The following ACTR3 variants were observed in gnomAD, a reference collection of about 807,000 sequenced individuals.
The protein encoded by ACTR3 is actin related protein 3.
In ACTR3, 12 loss-of-function variants were observed where a neutral mutation model predicts 56.8. The observed-to-expected ratio is 0.21, with a 90% CI of 0.14 to 0.34. The LOEUF (loss-of-function observed/expected upper bound fraction) is 0.34, where lower values mean the gene tolerates loss of function less well. ACTR3 is among the 10% of genes least tolerant of loss of function. The pLI is 1.00. For synonymous variants in ACTR3, 162 were observed against 167.4 expected (o/e 0.97, Z 0.25); for missense variants, 282 against 512.5 (o/e 0.55, Z 4.34).
At position 113,962,553 on chromosome 2, in the gene ACTR3, G is replaced by T. The variant is rs1680341833; in HGVS notation, c.*5098G>T. On this transcript the variant is annotated 3_prime_UTR_variant, in exon 12 of 12. Transcript: ENST00000263238. The stretch of plus-strand genomic sequence containing the variant: ...GAATTATATTAGAAAGTCGATATCG[G>T]AATTGGAACCACACATCTTTTTCTT... 1 of 150,576 alleles carries T rather than the reference G, an allele frequency of 6.6e-6. No homozygotes were observed. Among genetic ancestry groups the T allele is most frequent in the South Asian group, 2.1e-4 (1 of 4,750 alleles). The allele number at this position is 150,576 out of a possible 1,614,324, so 9.3% of individuals were successfully genotyped here. A position where few individuals can be genotyped will look rare whatever the true frequency, so the allele number is the denominator to read the frequency against.
At chr2:113,949,110 G>T (rs1450709475) in intron 8 of ACTR3, among the ~76,000 whole-genome samples, 1 of 151,446 alleles carries the variant, frequency 6.6e-6, no homozygotes, top group Admixed American at 6.6e-5. Context: ...GGGCGTGGTG[G>T]CTCACACCTA....
At chr2:113,905,951 A>G (rs1359209854) in intron 1 of ACTR3, among the ~76,000 whole-genome samples, 3 of 152,214 alleles carry the variant, frequency 2.0e-5, no homozygotes, top group East Asian at 1.9e-4. Flanking sequence ...TATTGCTGCT[A>G]TGAACATGCA....
rs1680197545 is a variant in ACTR3 at position 113,955,721 on chromosome 2, G to A, written c.1161+15G>A. ...TGGCTTCCACGGTGAGTGTGATGAA[G>A]CTTACTTTTATTTTATTTTATCATT... On this transcript the variant is annotated intron_variant, in intron 11 of 11. Coordinates refer to ENST00000263238, the MANE Select transcript of ACTR3 (RefSeq NM_005721.5). 4 of 1,577,646 alleles carry A rather than the reference G, an allele frequency of 2.5e-6. No homozygotes were observed. Among genetic ancestry groups the A allele is most frequent in the Non-Finnish European group, 3.5e-6 (4 of 1,153,656 alleles).
At chr2:113,934,189 A>G (rs1679780277) in intron 5 of ACTR3, 90 bp from the exon 6 acceptor site, 2 of 808,618 alleles carry the variant, frequency 2.5e-6, no homozygotes, top group Non-Finnish European at 4.0e-6. Context: ...AAAGTACTCC[A>G]GGGAACTAGT....
At chr2:113,918,972 T>C (rs1026680693) in intron 3 of ACTR3, among the ~76,000 whole-genome samples, 1 of 152,236 alleles carries the variant, frequency 6.6e-6, no homozygotes, top group Non-Finnish European at 1.5e-5. Context: ...ACTTTTATTG[T>C]GGAAAACTTC....
intron 1 of ACTR3, among the ~76,000 whole-genome samples, chr2:113,903,455 CT>C (rs1679137468): frequency 6.6e-6 from 1 of 152,030 alleles, no homozygotes; most frequent in Non-Finnish European, 1.5e-5. Flanking sequence ...CAACCTCTGT[CT>C]CCCAGGTTCA....
At chr2:113,945,113 T>G (rs1431712364) in intron 8 of ACTR3, among the ~76,000 whole-genome samples, 1 of 152,080 alleles carries the variant, frequency 6.6e-6, no homozygotes, top group Non-Finnish European at 1.5e-5. Context: ...GGAGTGAGCA[T>G]GAGAAGGATA....
chr2:113,924,370 C>T (rs1679578185), intron 3 of ACTR3, among the ~76,000 whole-genome samples: 1 of 152,058 alleles, frequency 6.6e-6, no homozygotes, highest in African/African-American at 2.4e-5. Context: ...AGCCACCATG[C>T]CCAGCCCTTT....
At chr2:113,911,850 C>T (rs1378806770) in intron 1 of ACTR3, among the ~76,000 whole-genome samples, 1 of 152,032 alleles carries the variant, frequency 6.6e-6, no homozygotes, top group Non-Finnish European at 1.5e-5. Flanking sequence ...GATTCTCTTG[C>T]CTCAGCCTCC....
intron 4 of ACTR3, among the ~76,000 whole-genome samples, chr2:113,930,946 A>T (rs1203916172): frequency 6.6e-6 from 1 of 152,092 alleles, no homozygotes; most frequent in Non-Finnish European, 1.5e-5. Context: ...TTTTTTCTGG[A>T]GGTTTGTCAT....
At chr2:113,893,902 A>T (rs1201281101) in intron 1 of ACTR3, among the ~76,000 whole-genome samples, 1 of 152,152 alleles carries the variant, frequency 6.6e-6, no homozygotes, top group Non-Finnish European at 1.5e-5. Context: ...ATGTAAGCTT[A>T]AATATCTTGT....
At chr2:113,942,139 T>C in intron 7 of ACTR3, 47 bp from the exon 8 acceptor site, 2 of 1,459,766 alleles carry the variant, frequency 1.4e-6, no homozygotes. Context: ...TTCTTTACTG[T>C]TCCTATAATA....
chr2:113,955,523 G>T (rs867610623), intron 10 of ACTR3, 100 bp from the exon 11 acceptor site: 2 of 852,252 alleles, frequency 2.3e-6, no homozygotes, highest in South Asian at 1.7e-5. Flanking sequence ...CCTGAATTTA[G>T]TACAGATATT....
chr2:113,920,280 A>G (rs922189038), intron 3 of ACTR3, among the ~76,000 whole-genome samples: 2 of 151,662 alleles, frequency 1.3e-5, no homozygotes, highest in Admixed American at 1.3e-4. Flanking sequence ...CTCGTCTCAA[A>G]CTCCTGGGCT....
chr2:113,923,296 G>A (rs1277393343), intron 3 of ACTR3, among the ~76,000 whole-genome samples: 1 of 151,318 alleles, frequency 6.6e-6, no homozygotes, highest in Non-Finnish European at 1.5e-5. Context: ...TTACTCTAAT[G>A]GTTATCTTCC....
At chr2:113,896,072 G>T (rs1679002504) in intron 1 of ACTR3, among the ~76,000 whole-genome samples, 1 of 152,072 alleles carries the variant, frequency 6.6e-6, no homozygotes, top group South Asian at 2.1e-4. Context: ...GTTGCCTCAG[G>T]CTGGTCTCAA....
chr2:113,954,331 A>C (rs1680172074), intron 10 of ACTR3: 1 of 150,696 alleles, frequency 6.6e-6, no homozygotes, highest in African/African-American at 2.5e-5. Context: ...TTTAGCATCC[A>C]TTGTGATTCT....
rs569630224 is a variant in ACTR3 at position 113,923,351 on chromosome 2, T to A, written c.226-3994T>A. 6.9e-3 allele frequency among the ~76,000 whole-genome samples: 890 copies of A among 129,068 alleles called. 9 individuals carry two copies. Among genetic ancestry groups the A allele is most frequent in the African/African-American group, 0.024 (826 of 34,872 alleles). 84.7% of individuals were successfully genotyped at this position (129,068 alleles called of 152,430 possible). On this transcript the variant is annotated intron_variant, in intron 3 of 11. Transcript: ENST00000263238. ...GTTTGTTTGTTTGTTTGTTTGTTTG[T>A]TTTTGAGACGGAGCCTGGCTCTGTC...
At chr2:113,917,434 C>A (rs982028580) in intron 3 of ACTR3, among the ~76,000 whole-genome samples, 1 of 151,850 alleles carries the variant, frequency 6.6e-6, no homozygotes, top group Non-Finnish European at 1.5e-5. Flanking sequence ...TACCCTTTTC[C>A]CTCCCTCTTT....
Sources: allele counts gnomAD v4.1 joint callset (sites outside exome capture counted in the v4.1 genomes callset), GRCh38; gene constraint gnomAD v4.1.1; transcripts MANE v1.5; gene names NCBI Gene and HGNC (gene_info 2026-07-23, HGNC 2026-07-21).